The following AMPH variants were observed in gnomAD, a reference collection of about 807,000 sequenced individuals.
The protein encoded by AMPH is amphiphysin.
Under a neutral mutation model 99.1 loss-of-function variants are expected in AMPH, and 49 were observed. The observed-to-expected ratio is 0.49, with a 90% CI of 0.39 to 0.63. The LOEUF (loss-of-function observed/expected upper bound fraction) is 0.63, where lower values mean the gene tolerates loss of function less well. Among genes scored for constraint, AMPH ranks in the 20% least tolerant of loss-of-function variants. The probability of loss-of-function intolerance (pLI) is 0.00; values close to 1 mark genes in which losing one functional copy is unlikely to be tolerated. For synonymous variants in AMPH, 314 were observed against 317.3 expected (o/e 0.99, Z 0.11); for missense variants, 759 against 863.4 (o/e 0.88, Z 1.52).
chr7:38,537,778 T>C (rs1357322485), intron 1 of AMPH, among the ~76,000 whole-genome samples: 1 of 152,210 alleles, frequency 6.6e-6, no homozygotes, highest in Non-Finnish European at 1.5e-5. Flanking sequence ...AAAGTGGTCC[T>C]GGACGCTTCC....
chr7:38,528,956 AAT>A (rs1274615556), intron 2 of AMPH, among the ~76,000 whole-genome samples: 1 of 152,046 alleles, frequency 6.6e-6, no homozygotes, highest in Non-Finnish European at 1.5e-5. Flanking sequence ...CCAGATAATC[AAT>A]TTTTTTCCCA....
At chr7:38,514,587 G>T (rs1216744403) in intron 2 of AMPH, among the ~76,000 whole-genome samples, 3 of 152,158 alleles carry the variant, frequency 2.0e-5, no homozygotes, top group Non-Finnish European at 4.4e-5. Flanking sequence ...CTTCATGAAT[G>T]GATTAATGCC....
intron 17 of AMPH, among the ~76,000 whole-genome samples, chr7:38,402,741 C>T (rs1447915806): frequency 6.6e-6 from 1 of 152,218 alleles, no homozygotes; most frequent in Non-Finnish European, 1.5e-5. Context: ...ATGACACTCT[C>T]AGATATTTTC....
At chr7:38,603,611 C>T (rs1339374962) in intron 1 of AMPH, among the ~76,000 whole-genome samples, 1 of 152,146 alleles carries the variant, frequency 6.6e-6, no homozygotes, top group Non-Finnish European at 1.5e-5. Flanking sequence ...GTTTCTAACG[C>T]CCCTAGACTA....
chr7:38,449,208 G>A (rs1403605810), intron 11 of AMPH, among the ~76,000 whole-genome samples: 1 of 152,156 alleles, frequency 6.6e-6, no homozygotes, highest in Non-Finnish European at 1.5e-5. Flanking sequence ...TAGAGAACCT[G>A]CATCCTGGAT....
At chr7:38,535,516 G>A (rs1046096794) in intron 1 of AMPH, among the ~76,000 whole-genome samples, 28 of 152,124 alleles carry the variant, frequency 1.8e-4, no homozygotes, top group Admixed American at 1.2e-3. Context: ...GTGGCGGGGG[G>A]AATGGTTTCA....
intron 1 of AMPH, among the ~76,000 whole-genome samples, chr7:38,580,039 G>A (rs1239669898): frequency 6.6e-6 from 1 of 152,106 alleles, no homozygotes; most frequent in East Asian, 1.9e-4. Flanking sequence ...GTCGACTTCT[G>A]ATGCTCACAT....
At chr7:38,526,556 G>A (rs959071141) in intron 2 of AMPH, among the ~76,000 whole-genome samples, 6 of 150,188 alleles carry the variant, frequency 4.0e-5, no homozygotes, top group East Asian at 2.0e-4. Flanking sequence ...GATTACAGGC[G>A]TGAGCCACTG....
chr7:38,503,694 G>GT lies in AMPH; in HGVS notation c.160dup (p.Thr54AsnfsTer30). 6.2e-7 allele frequency: 1 copy of GT among 1,613,808 alleles called. No homozygotes were observed. Among genetic ancestry groups the GT allele is most frequent in the Non-Finnish European group, 8.5e-7 (1 of 1,179,912 alleles). ...TCCTCGGAGTTCTCGCTGAAGTCTGGTACCCTCTGCCTAAAAAACACAAGC... is the reference window on the plus strand; with the variant it reads ...TCCTCGGAGTTCTCGCTGAAGTCTGGTTACCCTCTGCCTAAAAAACACAAGC... On this transcript the variant is annotated frameshift_variant, in exon 3 of 21. Transcript: ENST00000356264. LOFTEE classifies it high-confidence loss of function.
rs560328705 is a variant in AMPH, at chr7:38,606,007, G to A, written c.69+25276C>T. On this transcript the variant is annotated intron_variant, in intron 1 of 20. Transcript: ENST00000356264. ...CAACTGTGTGGTGTAGAAAACGCTC[G>A]TGTCCTTACATTACAAATCAAGAAA... Among the ~76,000 whole-genome samples the A allele has an allele frequency of 6.6e-4, 101 of 152,200 alleles. 1 individual carries two copies. The highest frequency in any genetic ancestry group is 1.3e-3 in the African/African-American group (53 of 41,512).
At chr7:38,549,969 A>G (rs1791122640) in intron 1 of AMPH, among the ~76,000 whole-genome samples, 1 of 152,194 alleles carries the variant, frequency 6.6e-6, no homozygotes, top group Admixed American at 6.5e-5. Context: ...GTATCTGTTA[A>G]AGCCATAATT....
chr7:38,548,899 C>G (rs1407314502), intron 1 of AMPH, among the ~76,000 whole-genome samples: 1 of 151,662 alleles, frequency 6.6e-6, no homozygotes, highest in East Asian at 1.9e-4. Context: ...TGGCCAGTGC[C>G]ATGTTGTCTG....
At chr7:38,616,747 T>C (rs1793886529) in intron 1 of AMPH, among the ~76,000 whole-genome samples, 1 of 152,192 alleles carries the variant, frequency 6.6e-6, no homozygotes, top group South Asian at 2.1e-4. Context: ...CATAAGAGTA[T>C]ATACTATATG....
chr7:38,424,390 T>C (rs1471314387), intron 15 of AMPH, among the ~76,000 whole-genome samples: 1 of 152,208 alleles, frequency 6.6e-6, no homozygotes, highest in Non-Finnish European at 1.5e-5. Context: ...TGATTATTAA[T>C]ACCTTCAGAG....
intron 13 of AMPH, among the ~76,000 whole-genome samples, chr7:38,430,430 G>A (rs959602741): frequency 1.2e-4 from 19 of 152,210 alleles, no homozygotes; most frequent in Non-Finnish European, 2.9e-5. Flanking sequence ...GCAAAGTTGA[G>A]AAGATTAATA....
In AMPH at chr7:38,384,939, A is replaced by G; in HGVS notation, c.1981-14T>C. 6.2e-7 allele frequency: 1 copy of G among 1,610,748 alleles called. No individual in the cohort carries two copies. The highest frequency in any genetic ancestry group is 1.1e-5 in the South Asian group (1 of 90,972). ...CCAGCCTGCATCCTGAAAAACAATG[A>G]CAGAACTTTCAGGGTCCAGCAAACT... On this transcript the variant is annotated splice_polypyrimidine_tract_variant and intron_variant, in intron 20 of 20. Coordinates refer to ENST00000356264, the MANE Select transcript of AMPH (RefSeq NM_001635.4).
At chr7:38,488,280 C>T (rs989693143) in intron 5 of AMPH, among the ~76,000 whole-genome samples, 4 of 152,048 alleles carry the variant, frequency 2.6e-5, no homozygotes, top group Non-Finnish European at 4.4e-5. Flanking sequence ...AACCCAAATG[C>T]CCATCAATGA....
intron 1 of AMPH, among the ~76,000 whole-genome samples, chr7:38,608,492 C>CCCCT (rs1793512426): frequency 6.6e-6 from 1 of 152,166 alleles, no homozygotes; most frequent in Non-Finnish European, 1.5e-5. Context: ...ACTATTTTGA[C>CCCCT]CCCTCTCTAG....
intron 1 of AMPH, among the ~76,000 whole-genome samples, chr7:38,617,792 G>A (rs923229549): frequency 6.6e-6 from 1 of 151,988 alleles, no homozygotes; most frequent in Non-Finnish European, 1.5e-5. Context: ...GTTATAAGAT[G>A]TTGCATATAT....
Sources: allele counts gnomAD v4.1 joint callset (sites outside exome capture counted in the v4.1 genomes callset), GRCh38; gene constraint gnomAD v4.1.1; transcripts MANE v1.5; gene names NCBI Gene and HGNC (gene_info 2026-07-23, HGNC 2026-07-21).